Variants in FASTKD2 observed in about 807,000 individuals in gnomAD.
The protein encoded by FASTKD2 is FAST kinase domain-containing protein 2, mitochondrial.
In FASTKD2, 51 loss-of-function variants were observed where a neutral mutation model predicts 63.6. The observed-to-expected ratio is 0.80, with a 90% CI of 0.64 to 1.01. FASTKD2 has a LOEUF of 1.01. FASTKD2 is among the 50% of genes least tolerant of loss of function. FASTKD2 has a pLI of 0.00. For synonymous variants in FASTKD2, 284 were observed against 293.4 expected, an observed-to-expected ratio of 0.97 and a Z score of 0.33; for missense variants, 786 against 831.1, an observed-to-expected ratio of 0.95 and a Z score of 0.67.
At position 206,767,128 on chromosome 2, in the gene FASTKD2, T is replaced by C. The variant is rs776436388; in HGVS notation, c.435T>C (p.Leu145=). Residue 145 remains leucine, a synonymous_variant, in exon 2 of 12, where the codon CTT becomes CTC. Transcript: ENST00000402774. ...LNHEVSNEDV[L]TKETKPNRIS... ...ATGAAGTCTCCAATGAAGATGTTCT[T>C]ACCAAGGAAACAAAACCAAACCGTA... is the stretch of plus-strand genomic sequence containing the variant. 2 of 1,614,074 alleles carry C rather than the reference T, an allele frequency of 1.2e-6. No homozygotes were observed. The highest frequency in any genetic ancestry group is 1.7e-6 in the Non-Finnish European group (2 of 1,179,938).
In FASTKD2 at chr2:206,767,063, G is replaced by C; in HGVS notation, c.370G>C (p.Asp124His). 1 of 1,614,044 alleles carries C rather than the reference G, an allele frequency of 6.2e-7. No homozygotes were observed. The highest frequency in any genetic ancestry group is 8.5e-7 in the Non-Finnish European group (1 of 1,179,952). ...CTCAAAGCAGTCTCTTGTCCCTGTT[G>C]ATAAATCTGATGATGAATTGAAGAA... ...FDSKQSLVPV[D>H]KSDDELKKVN... Residue 124 changes from aspartate (D) to histidine (H), a missense_variant, in exon 2 of 12, where the codon GAT becomes CAT. By Grantham distance (81) the Asp-to-His change is moderately conservative. Transcript: ENST00000402774.
In FASTKD2 at chr2:206,771,976, G is replaced by A. The variant is rs577131305; in HGVS notation, c.1073G>A (p.Arg358Gln). 5.0e-6 allele frequency: 8 copies of A among 1,613,446 alleles called. No homozygotes were observed. The highest frequency in any genetic ancestry group is 3.3e-5 in the Admixed American group (2 of 60,018). The change falls in exon 5 of 12, where the codon CGA (arginine) becomes CAA (glutamine). Residue 358 changes from arginine (R) to glutamine (Q), a missense_variant. Transcript: ENST00000402774. ...MFEVLAAMNH[R>Q]SLILLDECSK... is the part of the protein sequence containing the mutation. ...GAAGTACTAGCTGCCATGAATCACC[G>A]ATCTCTTATACTCCTGGATGAATGC...
chr2:206,785,124 C>T (rs1490324389), intron 7 of FASTKD2, among the ~76,000 whole-genome samples: 1 of 151,922 alleles, frequency 6.6e-6, no homozygotes, highest in Non-Finnish European at 1.5e-5. Context: ...GGGGTTTCCC[C>T]TTATAAAACT....
At chr2:206,772,629 T>A (rs972114729) in intron 6 of FASTKD2, among the ~76,000 whole-genome samples, 3 of 152,226 alleles carry the variant, frequency 2.0e-5, no homozygotes, top group East Asian at 3.8e-4. Flanking sequence ...GTTAGTGATA[T>A]GTTGTATGAT....
At chr2:206,787,689 A>G (rs943563664) in intron 8 of FASTKD2, among the ~76,000 whole-genome samples, 1 of 152,180 alleles carries the variant, frequency 6.6e-6, no homozygotes, top group Non-Finnish European at 1.5e-5. Flanking sequence ...TGAGGAGTTT[A>G]GACTAAATGA....
rs146144852 is a variant in FASTKD2 at position 206,776,165 on chromosome 2, A to G, written c.1427+1768A>G. Among the ~76,000 whole-genome samples the G allele has an allele frequency of 1.4e-3, 214 of 151,600 alleles. 2 individuals are homozygous for G. The highest frequency in any genetic ancestry group is 4.8e-3 in the African/African-American group (199 of 41,478). ...AATATATATATTATGGGATGCAGAAAAAGCAATCCTGACAAGAAAACTTAA... is the reference window on the plus strand; with the variant it reads ...AATATATATATTATGGGATGCAGAAGAAGCAATCCTGACAAGAAAACTTAA... On this transcript the variant is annotated intron_variant, in intron 7 of 11. Transcript: ENST00000402774.
At chr2:206,771,822 C>T in intron 4 of FASTKD2, 72 bp from the exon 5 acceptor site, 1 of 1,252,170 alleles carries the variant, frequency 8.0e-7, no homozygotes, top group Admixed American at 1.9e-5. Context: ...AAGACCCTGT[C>T]TCAATAAAAA....
At chr2:206,786,199 T>A (rs192491011) in intron 7 of FASTKD2, among the ~76,000 whole-genome samples, 9 of 152,354 alleles carry the variant, frequency 5.9e-5, no homozygotes, top group African/African-American at 2.2e-4. Context: ...CTGTCTTCAT[T>A]TGTGCTTAAC....
Position 206,794,541 on chromosome 2 carries a change from A to G in FASTKD2, c.*2739A>G, listed in dbSNP as rs1289135127. 1.3e-5 allele frequency among the ~76,000 whole-genome samples: 2 copies of G among 152,202 alleles called. No homozygotes were observed. Among genetic ancestry groups the G allele is most frequent in the Admixed American group, 6.5e-5 (1 of 15,270 alleles). On this transcript the variant is annotated 3_prime_UTR_variant, in exon 12 of 12. Coordinates refer to ENST00000402774, the MANE Select transcript of FASTKD2 (RefSeq NM_001136193.2). ...ATTATAGGTACAGGCTACTGTGCCC[A>G]GCTCAATTCTTGATTGAGACATTTA...
rs1689487143 is a variant in FASTKD2 at position 206,766,624 on chromosome 2, C to G, written c.-50-20C>G. On this transcript the variant is annotated intron_variant, in intron 1 of 11. Transcript: ENST00000402774. ...GTTTTGTTTTAATTTTTATTCTTTT[C>G]ATTACTTCTTCCCCTACAGGAAAAC... 7.8e-7 allele frequency: 1 copy of G among 1,285,020 alleles called. No homozygotes were observed. The highest frequency in any genetic ancestry group is 1.1e-6 in the Non-Finnish European group (1 of 885,518). 79.6% of individuals were successfully genotyped at this position (1,285,020 alleles called of 1,614,324 possible).
At chr2:206,791,112 G>T in intron 11 of FASTKD2, 1 of 217,378 alleles carries the variant, frequency 4.6e-6, no homozygotes, top group Non-Finnish European at 9.3e-6. Context: ...TTAAGAAGAT[G>T]GGTCTTTCTC....
intron 7 of FASTKD2, among the ~76,000 whole-genome samples, chr2:206,781,674 T>C (rs1047926142): frequency 4.1e-5 from 1 of 24,638 alleles, no homozygotes; most frequent in Non-Finnish European, 6.4e-5. Flanking sequence ...TTTTAATTTC[T>C]TTTTTTTTTT....
Position 206,793,614 on chromosome 2 carries a change from G to A in FASTKD2, c.*1812G>A, listed in dbSNP as rs887918638. On this transcript the variant is annotated 3_prime_UTR_variant, in exon 12 of 12. Coordinates refer to ENST00000402774, the MANE Select transcript of FASTKD2 (RefSeq NM_001136193.2). ...AGGAACTAAGGTTTTGTCTTTAAAT[G>A]TTGAGTGTGCATCAGTTTTGAGTGT... Among the ~76,000 whole-genome samples, 10 of 152,180 alleles carry A rather than the reference G, an allele frequency of 6.6e-5. No homozygotes were observed. The highest frequency in any genetic ancestry group is 2.4e-4 in the African/African-American group (10 of 41,432).
chr2:206,781,206 T>C (rs1044430577), intron 7 of FASTKD2, among the ~76,000 whole-genome samples: 3 of 151,976 alleles, frequency 2.0e-5, no homozygotes, highest in Non-Finnish European at 4.4e-5. Context: ...AAAGAAACAG[T>C]CTCCTCTCCC....
At chr2:206,780,240 T>C (rs959761363) in intron 7 of FASTKD2, among the ~76,000 whole-genome samples, 2 of 152,222 alleles carry the variant, frequency 1.3e-5, no homozygotes, top group Non-Finnish European at 2.9e-5. Flanking sequence ...CACATTGATG[T>C]TTTGTGTTTT....
Position 206,788,069 on chromosome 2 carries a change from C to CA in FASTKD2, c.1730dup (p.Val578GlyfsTer12). On this transcript the variant is annotated frameshift_variant, in exon 9 of 12. Coordinates refer to ENST00000402774, the MANE Select transcript of FASTKD2 (RefSeq NM_001136193.2). LOFTEE classifies it high-confidence loss of function. ...GAGCTGCCATCGTCACATACAAATG[C>CA]AAAGGTGGCAGAGGTGCTGAGCAGC... is the stretch of plus-strand genomic sequence containing the variant. 1 of 1,613,724 alleles carries CA rather than the reference C, an allele frequency of 6.2e-7. No homozygotes were observed. The highest frequency in any genetic ancestry group is 8.5e-7 in the Non-Finnish European group (1 of 1,179,748).
At chr2:206,772,741 GATATTCAACACTTTT>G (rs1689718925) in intron 6 of FASTKD2, among the ~76,000 whole-genome samples, 1 of 152,090 alleles carries the variant, frequency 6.6e-6, no homozygotes, top group South Asian at 2.1e-4. Context: ...AATTACTTGA[GATATTCAACACTTTT>G]ATTATAATAT....
chr2:206,780,994 T>C (rs974705942), intron 7 of FASTKD2, among the ~76,000 whole-genome samples: 1 of 152,188 alleles, frequency 6.6e-6, no homozygotes, highest in African/African-American at 2.4e-5. Context: ...GATACTCTTA[T>C]TTTGCTCATA....
intron 7 of FASTKD2, among the ~76,000 whole-genome samples, chr2:206,780,302 G>C (rs1346605248): frequency 1.3e-5 from 2 of 152,162 alleles, no homozygotes; most frequent in African/African-American, 4.8e-5. Context: ...AGTAATGACA[G>C]TTTTCCTTGG....
Sources: gnomAD v4.1 joint callset for allele counts (sites outside exome capture counted in the v4.1 genomes callset) on GRCh38, gnomAD v4.1.1 for gene constraint, MANE v1.5 for transcripts, NCBI Gene and HGNC (gene_info 2026-07-23, HGNC 2026-07-21) for gene names.